The following NRXN3 variants were observed in gnomAD, a reference collection of about 807,000 sequenced individuals.
NRXN3 encodes the protein neurexin 3.
NRXN3 carries 32 observed loss-of-function variants against 137.6 expected under a neutral mutation model. The observed-to-expected ratio is 0.23, with a 90% CI of 0.18 to 0.31. NRXN3 has a LOEUF of 0.31. Among genes scored for constraint, NRXN3 ranks in the 10% least tolerant of loss-of-function variants. NRXN3 has a pLI of 1.00. For missense variants in NRXN3, 1,574 were observed against 2,062.5 expected, an observed-to-expected ratio of 0.76 and a Z score of 4.59; for synonymous variants, 798 against 784.5, an observed-to-expected ratio of 1.02 and a Z score of -0.29.
chr14:79,343,222 G>A (rs1186043768), intron 15 of NRXN3, among the ~76,000 whole-genome samples: 1 of 152,138 alleles, frequency 6.6e-6, no homozygotes, highest in African/African-American at 2.4e-5. Context: ...TCATCTTGTG[G>A]CTAATGTTTG....
At chr14:79,237,394 A>C (rs2073565515) in intron 15 of NRXN3, among the ~76,000 whole-genome samples, 1 of 152,094 alleles carries the variant, frequency 6.6e-6, no homozygotes, top group Non-Finnish European at 1.5e-5. Context: ...AGAGCTATAA[A>C]AATTCAACAC....
intron 20 of NRXN3, among the ~76,000 whole-genome samples, chr14:79,809,852 G>A (rs1001366852): frequency 2.6e-5 from 4 of 152,126 alleles, no homozygotes; most frequent in African/African-American, 9.7e-5. Context: ...AAAAACGGAT[G>A]AGCTGGAGAG....
intron 16 of NRXN3, among the ~76,000 whole-genome samples, chr14:79,473,971 G>T (rs2096537462): frequency 6.6e-6 from 1 of 152,142 alleles, no homozygotes; most frequent in African/African-American, 2.4e-5. Flanking sequence ...CTCTCTGCAG[G>T]GGAGCTGGTG....
At chr14:78,631,418 C>T (rs2097522149) in intron 4 of NRXN3, among the ~76,000 whole-genome samples, 1 of 152,146 alleles carries the variant, frequency 6.6e-6, no homozygotes, top group South Asian at 2.1e-4. Context: ...GATCTCCTAC[C>T]ACAGTTGAGA....
intron 16 of NRXN3, among the ~76,000 whole-genome samples, chr14:79,659,749 G>A (rs1400185520): frequency 6.6e-6 from 1 of 152,108 alleles, no homozygotes; most frequent in Non-Finnish European, 1.5e-5. Context: ...CTTTATGAAA[G>A]AGAAATCAGA....
intron 4 of NRXN3, among the ~76,000 whole-genome samples, chr14:78,431,919 T>G (rs940415423): frequency 6.6e-6 from 1 of 152,024 alleles, no homozygotes; most frequent in Non-Finnish European, 1.5e-5. Context: ...GGCTCATAGG[T>G]CAGTAAGCCA....
intron 4 of NRXN3, among the ~76,000 whole-genome samples, chr14:78,466,011 C>T (rs1487053809): frequency 6.6e-6 from 1 of 151,166 alleles, no homozygotes; most frequent in Non-Finnish European, 1.5e-5. Context: ...ACCACCACGC[C>T]CGGCTAATTT....
chr14:79,617,917 C>CAAAAAAAAAAAAAAAAAAACAA (rs1162153685), intron 16 of NRXN3, among the ~76,000 whole-genome samples: 2 of 91,328 alleles, frequency 2.2e-5, no homozygotes, highest in African/African-American at 1.2e-4. Context: ...TGAATAGCAG[C>CAAAAAAAAAAAAAAAAAAACAA]AAAAAAAAAA....
rs774357048 is a variant in NRXN3 at position 79,697,898 on chromosome 14, T to C, written c.3975T>C (p.Thr1325=). 6.2e-7 allele frequency: 1 copy of C among 1,612,958 alleles called. No individual in the cohort carries two copies. Among genetic ancestry groups the C allele is most frequent in the Non-Finnish European group, 8.5e-7 (1 of 1,179,200 alleles). ...TVMETTTTMA[T]TTTRKNRSTA... is the part of the protein sequence containing the mutation. ...TGGAAACCACTACTACAATGGCGAC[T>C]ACCACAACCCGTAAGAATCGCTCTA... The change falls in exon 19 of 21, where the codon ACT becomes ACC. Residue 1325 remains threonine (T), a synonymous_variant. Coordinates refer to ENST00000335750, the MANE Select transcript of NRXN3 (RefSeq NM_001330195.2).
intron 10 of NRXN3, among the ~76,000 whole-genome samples, chr14:78,922,636 G>C (rs2099274055): frequency 6.6e-6 from 1 of 152,100 alleles, no homozygotes; most frequent in African/African-American, 2.4e-5. Context: ...CTCATAAATG[G>C]GAGCTGAACA....
At chr14:79,825,022 C>T (rs539536578) in intron 20 of NRXN3, among the ~76,000 whole-genome samples, 1 of 152,232 alleles carries the variant, frequency 6.6e-6, no homozygotes, top group East Asian at 1.9e-4. Flanking sequence ...AAAGAACAAA[C>T]GTTTGTATTT....
At chr14:79,298,836 A>G (rs2084651295) in intron 15 of NRXN3, 1 of 152,252 alleles carries the variant, frequency 6.6e-6, no homozygotes, top group East Asian at 1.9e-4. Context: ...TACACTAAAG[A>G]AGAGTTCTTA....
intron 15 of NRXN3, among the ~76,000 whole-genome samples, chr14:79,116,825 G>A (rs2054529813): frequency 6.6e-6 from 1 of 152,180 alleles, no homozygotes; most frequent in African/African-American, 2.4e-5. Flanking sequence ...AAAAGATATA[G>A]CAGGGTCGTT....
At chr14:79,716,278 A>G (rs938996864) in intron 19 of NRXN3, among the ~76,000 whole-genome samples, 3 of 152,196 alleles carry the variant, frequency 2.0e-5, no homozygotes, top group Admixed American at 6.5e-5. Flanking sequence ...GAATGTGTTA[A>G]TATATCACAC....
chr14:79,634,961 C>G (rs751864877), intron 16 of NRXN3, among the ~76,000 whole-genome samples: 3 of 152,166 alleles, frequency 2.0e-5, no homozygotes, highest in African/African-American at 7.2e-5. Flanking sequence ...ACATAATGCT[C>G]TCTAGGTTTA....
chr14:78,649,642 A>C (rs1327978704), intron 5 of NRXN3, among the ~76,000 whole-genome samples: 1 of 149,948 alleles, frequency 6.7e-6, no homozygotes, highest in Non-Finnish European at 1.5e-5. Flanking sequence ...TCCAAGTTAC[A>C]TACTAGGGAC....
At chr14:79,497,059 ATG>A in intron 16 of NRXN3, among the ~76,000 whole-genome samples, 1 of 152,182 alleles carries the variant, frequency 6.6e-6, no homozygotes, top group Non-Finnish European at 1.5e-5. Context: ...CCAAGCTTAT[ATG>A]TGTGATAAGT....
intron 16 of NRXN3, among the ~76,000 whole-genome samples, chr14:79,597,754 A>G (rs933579634): frequency 6.6e-6 from 1 of 152,130 alleles, no homozygotes; most frequent in Non-Finnish European, 1.5e-5. Context: ...TAGCCCTTTC[A>G]TGGAACTTAC....
At chr14:78,756,519 C>T (rs2098668997) in intron 8 of NRXN3, among the ~76,000 whole-genome samples, 1 of 143,886 alleles carries the variant, frequency 6.9e-6, no homozygotes, top group Non-Finnish European at 1.5e-5. Flanking sequence ...CAAGCTCAGC[C>T]TGGGTGACAG....
Sources: gnomAD v4.1 joint callset for allele counts (sites outside exome capture counted in the v4.1 genomes callset) on GRCh38, gnomAD v4.1.1 for gene constraint, MANE v1.5 for transcripts, NCBI Gene and HGNC (gene_info 2026-07-23, HGNC 2026-07-21) for gene names.